Variants in IQGAP3 observed in about 807,000 individuals in gnomAD.
The protein encoded by IQGAP3 is ras GTPase-activating-like protein IQGAP3.
Under a neutral mutation model 208.2 loss-of-function variants are expected in IQGAP3, and 165 were observed. That is an observed-to-expected ratio of 0.79 (90% CI 0.70 to 0.90). IQGAP3 has a LOEUF of 0.90. Ranked by LOEUF, IQGAP3 falls within the 40% of genes least tolerant of loss-of-function variation. The pLI, the probability that IQGAP3 is intolerant of heterozygous loss-of-function variation, is 0.00. For missense variants in IQGAP3, 1,811 were observed against 2,043.1 expected (o/e 0.89, Z 2.19); for synonymous variants, 703 against 803.6 (o/e 0.87, Z 2.12).
At chr1:156,572,097 G>A (rs1172214199) in intron 1 of IQGAP3, among the ~76,000 whole-genome samples, 2 of 152,108 alleles carry the variant, frequency 1.3e-5, no homozygotes, top group South Asian at 4.1e-4. Context: ...GTCTGAAAGC[G>A]GCATCTCAAA....
chr1:156,564,971 T>C (rs569860076), intron 4 of IQGAP3, among the ~76,000 whole-genome samples: 1 of 152,272 alleles, frequency 6.6e-6, no homozygotes, highest in African/African-American at 2.4e-5. Flanking sequence ...GGCTACAGGA[T>C]ATAAGCCATA....
At chr1:156,549,476 A>G (rs1557933964) in intron 16 of IQGAP3, among the ~76,000 whole-genome samples, 2 of 151,200 alleles carry the variant, frequency 1.3e-5, no homozygotes, top group African/African-American at 4.9e-5. Context: ...GTCTCAAAAA[A>G]AAAAAAAAAA....
At chr1:156,548,011 T>C in intron 19 of IQGAP3, 62 bp downstream of exon 19, 1 of 1,452,754 alleles carries the variant, frequency 6.9e-7, no homozygotes, top group Non-Finnish European at 9.4e-7. Context: ...GGAAGCAGCG[T>C]GGATACCCTG....
rs1445448557 is a variant in IQGAP3 at position 156,560,982 on chromosome 1, G to A, written c.1081C>T (p.Gln361Ter). ...LVELLEKEEV[Q>*]AGVAAANTKG... ...GTGTTGGCTGCAGCCACACCAGCCT[G>A]GACTTCCTCCTTTTCCAGAAGCTCC... is the stretch of plus-strand genomic sequence containing the variant. Residue 361 changes from glutamine to a stop codon, truncating the protein, a stop_gained, in exon 11 of 38, where the codon CAG becomes TAG. Coordinates refer to ENST00000361170, the MANE Select transcript of IQGAP3 (RefSeq NM_178229.5). LOFTEE classifies it high-confidence loss of function. 1 of 1,613,870 alleles carries A rather than the reference G, an allele frequency of 6.2e-7. No individual in the cohort carries two copies. The highest frequency in any genetic ancestry group is 8.5e-7 in the Non-Finnish European group (1 of 1,179,900).
At chr1:156,560,463 A>G (rs1464322650) in intron 11 of IQGAP3, among the ~76,000 whole-genome samples, 3 of 152,222 alleles carry the variant, frequency 2.0e-5, no homozygotes, top group African/African-American at 7.2e-5. Flanking sequence ...GTGAGCCGAG[A>G]TTGTGCCACT....
At chr1:156,528,103 C>T in intron 36 of IQGAP3, 43 bp from the exon 37 acceptor site, 1 of 1,448,428 alleles carries the variant, frequency 6.9e-7, no homozygotes, top group Non-Finnish European at 9.7e-7. Context: ...CTGCCTCTTT[C>T]CAGGGCTACA....
At chr1:156,565,253 G>A (rs557587051) in intron 4 of IQGAP3, among the ~76,000 whole-genome samples, 1 of 152,296 alleles carries the variant, frequency 6.6e-6, no homozygotes, top group East Asian at 1.9e-4. Flanking sequence ...GCTTCTCAAT[G>A]CCACCTGACA....
rs769494296 is a variant in IQGAP3, at chr1:156,533,828, G to C, written c.3921C>G (p.Pro1307=). ...QDCIAPDHQD[P]LHELLEDLGE... The stretch of plus-strand genomic sequence containing the variant: ...CAAGATCCTCCAGGAGCTCATGCAG[G>C]GGGTCTTGGTGATCAGGGGCAATGC... Residue 1307 remains proline (P), a synonymous_variant, in exon 31 of 38, where the codon CCC becomes CCG. Coordinates refer to ENST00000361170, the MANE Select transcript of IQGAP3 (RefSeq NM_178229.5). 6.2e-7 allele frequency: 1 copy of C among 1,613,322 alleles called. No individual in the cohort carries two copies. The highest frequency in any genetic ancestry group is 1.3e-5 in the African/African-American group (1 of 75,024).
intron 18 of IQGAP3, 42 bp from the exon 19 acceptor site, chr1:156,548,285 G>A (rs1571336931): frequency 1.2e-6 from 2 of 1,608,108 alleles, no homozygotes; most frequent in East Asian, 4.5e-5. Flanking sequence ...TTTGGGGAGT[G>A]GGAGCCTCTT....
chr1:156,552,040 G>A lies in IQGAP3; in HGVS notation c.1504C>T (p.Leu502=). 1 of 1,614,186 alleles carries A rather than the reference G, an allele frequency of 6.2e-7. No homozygotes were observed. Among genetic ancestry groups the A allele is most frequent in the Non-Finnish European group, 8.5e-7 (1 of 1,180,022 alleles). Residue 502 remains leucine (L), a synonymous_variant, in exon 14 of 38, where the codon CTG becomes TTG. Transcript: ENST00000361170. ...GTGGCCTGCAGGTCATTCCAGCTCA[G>A]GAAGTCCTCACCCATCCCACGCTCC... The part of the protein sequence containing the change: ...RQERGMGEDF[L]SWNDLQATVS...
Position 156,533,816 on chromosome 1 carries a change from G to T in IQGAP3, c.3933C>A (p.Leu1311=). The change falls in exon 31 of 38, where the codon CTC becomes CTA. Residue 1311 remains leucine (L), a synonymous_variant. Transcript: ENST00000361170. ...APDHQDPLHE[L]LEDLGELPTI... ...TGGGCAGCTCCCCAAGATCCTCCAG[G>T]AGCTCATGCAGGGGGTCTTGGTGAT... The T allele has an allele frequency of 6.2e-7, 1 of 1,613,768 alleles. No individual in the cohort carries two copies. The highest frequency in any genetic ancestry group is 8.5e-7 in the Non-Finnish European group (1 of 1,179,848).
intron 2 of IQGAP3, among the ~76,000 whole-genome samples, chr1:156,567,471 TG>T (rs1258991146): frequency 2.0e-5 from 3 of 152,232 alleles, no homozygotes; most frequent in African/African-American, 7.2e-5. Flanking sequence ...TTTCCTTCAG[TG>T]GGCAGCTGCC....
intron 36 of IQGAP3, 96 bp from the exon 37 acceptor site, chr1:156,528,156 G>T: frequency 1.1e-6 from 1 of 926,172 alleles, no homozygotes; most frequent in Non-Finnish European, 1.7e-6. Flanking sequence ...GGGCAGCGGT[G>T]TCATCCAGAA....
At chr1:156,564,568 C>G (rs763640182) in intron 5 of IQGAP3, 47 bp downstream of exon 5, 4 of 1,233,960 alleles carry the variant, frequency 3.2e-6, no homozygotes, top group East Asian at 4.6e-5. Flanking sequence ...GATTGTTGGT[C>G]GCATCCACCT....
intron 37 of IQGAP3, among the ~76,000 whole-genome samples, chr1:156,527,253 G>A (rs1420374674): frequency 4.0e-5 from 6 of 151,420 alleles, no homozygotes; most frequent in South Asian, 4.2e-4. Flanking sequence ...AGGCTGAGGC[G>A]GGCGGATCAC....
At position 156,548,640 on chromosome 1, in the gene IQGAP3, T is replaced by C. The variant is rs1345040619; in HGVS notation, c.1934A>G (p.Asp645Gly). 1.9e-6 allele frequency: 3 copies of C among 1,612,166 alleles called. No individual in the cohort carries two copies. Among genetic ancestry groups the C allele is most frequent in the Admixed American group, 1.7e-5 (1 of 59,882 alleles). ...PAVALRGVVP[D>G]CANGYQRALE... is the part of the protein sequence containing the mutation. Reference sequence around the variant, plus strand: ...GGCTCGCTGGTAGCCGTTGGCACAGTCGGGAACTACCCCTCGAAGGGCCAC... The same window carrying C: ...GGCTCGCTGGTAGCCGTTGGCACAGCCGGGAACTACCCCTCGAAGGGCCAC... Residue 645 changes from aspartate to glycine, a missense_variant, in exon 17 of 38, where the codon GAC becomes GGC. By Grantham distance (94) the Asp-to-Gly change is moderately conservative (BLOSUM62 -1). Coordinates refer to ENST00000361170, the MANE Select transcript of IQGAP3 (RefSeq NM_178229.5).
At position 156,543,975 on chromosome 1, in the gene IQGAP3, G is replaced by C. The variant is rs1005352830; in HGVS notation, c.2530+6C>G. The C allele has an allele frequency of 1.2e-6, 2 of 1,613,218 alleles. No homozygotes were observed. Among genetic ancestry groups the C allele is most frequent in the African/African-American group, 2.7e-5 (2 of 74,928 alleles). On this transcript the variant is annotated splice_donor_region_variant and intron_variant, in intron 22 of 37. Transcript: ENST00000361170. ...ACAGCTGGGGAGGGTGGATCAGGCA[G>C]CTCACCTAATATCCTGTAGTCATCT...
In IQGAP3 at chr1:156,526,250, C is replaced by G. The variant is rs1674049998; in HGVS notation, c.*236G>C. ...TCTGGCAGGAAAGCCAGGGGTTTGTCATGCATGATAAAAGCCACACAGCTG... is the reference window on the plus strand; with the variant it reads ...TCTGGCAGGAAAGCCAGGGGTTTGTGATGCATGATAAAAGCCACACAGCTG... On this transcript the variant is annotated 3_prime_UTR_variant, in exon 38 of 38. Transcript: ENST00000361170. 7 of 527,184 alleles carry G rather than the reference C, an allele frequency of 1.3e-5. No individual in the cohort carries two copies. The South Asian group carries it at 1.4e-4, about 11-fold the overall frequency. 32.7% of individuals were successfully genotyped at this position (527,184 alleles called of 1,614,324 possible).
Position 156,552,107 on chromosome 1 carries a change from G to A in IQGAP3, c.1449-12C>T, listed in dbSNP as rs781079357. ...GGGCATCGAAGTAACTGGCAGTGGG[G>A]TGAAGGGCAGAGAGGTGAGTAGCAT... On this transcript the variant is annotated splice_polypyrimidine_tract_variant and intron_variant, in intron 13 of 37. Transcript: ENST00000361170. 6.2e-7 allele frequency: 1 copy of A among 1,613,386 alleles called. No individual in the cohort carries two copies. The highest frequency in any genetic ancestry group is 8.5e-7 in the Non-Finnish European group (1 of 1,179,606).
Sources: allele counts gnomAD v4.1 joint callset (sites outside exome capture counted in the v4.1 genomes callset), GRCh38; gene constraint gnomAD v4.1.1; transcripts MANE v1.5; gene names NCBI Gene and HGNC (gene_info 2026-07-23, HGNC 2026-07-21).